KHDRBS2: variants seen among roughly 807,000 people sequenced by gnomAD.
The protein encoded by KHDRBS2 is KH RNA binding domain containing, signal transduction associated 2.
KHDRBS2 carries 26 observed loss-of-function variants against 44.3 expected under a neutral mutation model. The ratio of observed to expected loss-of-function variants is 0.59; its 90% CI spans 0.43 to 0.81. The LOEUF (loss-of-function observed/expected upper bound fraction) is 0.81. KHDRBS2 is among the 40% of genes least tolerant of loss of function. The pLI is 0.00. For missense variants in KHDRBS2, 476 were observed against 433.1 expected, an observed-to-expected ratio of 1.10 and a Z score of -0.88; for synonymous variants, 194 against 151.1, an observed-to-expected ratio of 1.28 and a Z score of -2.08.
At chr6:61,733,351 G>A (rs1239137357) in intron 6 of KHDRBS2, among the ~76,000 whole-genome samples, 7 of 152,142 alleles carry the variant, frequency 4.6e-5, no homozygotes, top group African/African-American at 9.7e-5. Flanking sequence ...AGCACTTTGC[G>A]TGGCCAAGGT....
At chr6:62,195,296 T>C (rs1424353508) in intron 1 of KHDRBS2, among the ~76,000 whole-genome samples, 3 of 152,206 alleles carry the variant, frequency 2.0e-5, no homozygotes, top group Admixed American at 6.5e-5. Flanking sequence ...AACTCACTTA[T>C]TAGTTCTAAT....
intron 4 of KHDRBS2, among the ~76,000 whole-genome samples, chr6:61,920,859 T>C (rs997397032): frequency 3.3e-5 from 5 of 151,696 alleles, no homozygotes; most frequent in African/African-American, 1.2e-4. Context: ...GAAATATAGA[T>C]GGAAAGAGGG....
At chr6:61,700,877 C>T (rs1241522652) in intron 7 of KHDRBS2, among the ~76,000 whole-genome samples, 2 of 151,762 alleles carry the variant, frequency 1.3e-5, no homozygotes, top group Non-Finnish European at 2.9e-5. Flanking sequence ...TTATTTTACA[C>T]TACTGCTTGC....
At chr6:61,909,546 T>G (rs1296051855) in intron 4 of KHDRBS2, among the ~76,000 whole-genome samples, 1 of 152,166 alleles carries the variant, frequency 6.6e-6, no homozygotes, top group Non-Finnish European at 1.5e-5. Flanking sequence ...ATTCCCCCTA[T>G]GAAATAATTT....
intron 6 of KHDRBS2, among the ~76,000 whole-genome samples, chr6:61,792,484 A>G (rs1784763085): frequency 6.6e-6 from 1 of 151,734 alleles, no homozygotes; most frequent in Non-Finnish European, 1.5e-5. Flanking sequence ...AGATATACCA[A>G]TTAGTTTTTC....
At chr6:62,241,731 T>C (rs765381956) in intron 1 of KHDRBS2, among the ~76,000 whole-genome samples, 1 of 148,362 alleles carries the variant, frequency 6.7e-6, no homozygotes, top group Non-Finnish European at 1.5e-5. Flanking sequence ...GCAGTTGGCA[T>C]GATGCCTGGG....
chr6:62,101,428 G>C (rs1457187812), intron 2 of KHDRBS2, among the ~76,000 whole-genome samples: 1 of 152,082 alleles, frequency 6.6e-6, no homozygotes, highest in Non-Finnish European at 1.5e-5. Flanking sequence ...CGTAGAGGTA[G>C]GAAAAACTCC....
chr6:61,871,013 G>A (rs1005424121), intron 6 of KHDRBS2, among the ~76,000 whole-genome samples: 14 of 152,148 alleles, frequency 9.2e-5, no homozygotes, highest in African/African-American at 2.4e-4. Context: ...TGAGTTTGAC[G>A]CACTGACAGA....
At chr6:61,544,768 G>A in the KHDRBS2 span, among the ~76,000 whole-genome samples, 1 of 151,984 alleles carries the variant, frequency 6.6e-6, no homozygotes, top group Admixed American at 6.6e-5. Flanking sequence ...TGATGAGTTT[G>A]TGTCCTTTGT....
intron 6 of KHDRBS2, among the ~76,000 whole-genome samples, chr6:61,781,631 A>G (rs1352426715): frequency 6.6e-6 from 1 of 152,178 alleles, no homozygotes; most frequent in Non-Finnish European, 1.5e-5. Context: ...TGGGATACAC[A>G]TGCAATTTTC....
intron 1 of KHDRBS2, among the ~76,000 whole-genome samples, chr6:62,237,545 A>G (rs1833895630): frequency 6.6e-6 from 1 of 152,232 alleles, no homozygotes; most frequent in Admixed American, 6.5e-5. Context: ...GGTGAAAGAG[A>G]ATAAATGTCT....
rs531598700 is a variant in KHDRBS2 at position 61,934,404 on chromosome 6, G to A, written c.484-33033C>T. ...CAATGTCATGAAGCATTTCCCCTAG[G>A]AGACTAGCTAATTTTTAAATCTAAC... On this transcript the variant is annotated intron_variant, in intron 4 of 8. Transcript: ENST00000281156. 5.9e-5 allele frequency among the ~76,000 whole-genome samples: 9 copies of A among 152,120 alleles called. No individual in the cohort carries two copies. The South Asian group carries it at 1.2e-3, about 21-fold the overall frequency.
chr6:62,018,138 T>C (rs921298202), intron 3 of KHDRBS2, among the ~76,000 whole-genome samples: 6 of 151,142 alleles, frequency 4.0e-5, no homozygotes, highest in Admixed American at 6.6e-5. Flanking sequence ...ATTTCTGCTA[T>C]AAATATTACT....
intron 6 of KHDRBS2, among the ~76,000 whole-genome samples, chr6:61,796,350 A>G (rs1361297252): frequency 6.6e-6 from 1 of 151,942 alleles, no homozygotes; most frequent in Non-Finnish European, 1.5e-5. Flanking sequence ...TATAATTATA[A>G]AAATATGTAA....
intron 4 of KHDRBS2, among the ~76,000 whole-genome samples, chr6:61,970,173 G>A (rs552841354): frequency 2.0e-5 from 3 of 151,914 alleles, no homozygotes; most frequent in African/African-American, 7.2e-5. Flanking sequence ...CTTGTTGACT[G>A]ATTAATTTAA....
chr6:61,744,083 T>A (rs1217246124), intron 6 of KHDRBS2, among the ~76,000 whole-genome samples: 1 of 152,126 alleles, frequency 6.6e-6, no homozygotes, highest in African/African-American at 2.4e-5. Flanking sequence ...AGTGCCGCTA[T>A]AAGCAGTTTT....
At chr6:62,098,504 T>TG (rs766942191) in intron 2 of KHDRBS2, among the ~76,000 whole-genome samples, 1 of 92,462 alleles carries the variant, frequency 1.1e-5, no homozygotes, top group Non-Finnish European at 2.4e-5. Flanking sequence ...TGCTGATAAG[T>TG]CAGCTGCCAG....
intron 4 of KHDRBS2, among the ~76,000 whole-genome samples, chr6:61,954,441 A>T (rs1458993303): frequency 1.0e-5 from 1 of 99,136 alleles, no homozygotes; most frequent in African/African-American, 3.1e-5. Flanking sequence ...GCATGCATAC[A>T]TATATACGTA....
intron 2 of KHDRBS2, among the ~76,000 whole-genome samples, chr6:62,137,149 C>T (rs1204539): frequency 2.0e-4 from 31 of 151,654 alleles, no homozygotes; most frequent in African/African-American, 7.5e-4. Context: ...TACAGGCACC[C>T]GCCACCATGC....
Sources: gnomAD v4.1 joint callset for allele counts (sites outside exome capture counted in the v4.1 genomes callset) on GRCh38, gnomAD v4.1.1 for gene constraint, MANE v1.5 for transcripts, NCBI Gene and HGNC (gene_info 2026-07-23, HGNC 2026-07-21) for gene names.